The following PSD3 variants were observed in gnomAD, a reference collection of about 807,000 sequenced individuals.
PSD3 encodes the protein PH and SEC7 domain-containing protein 3.
A neutral mutation model predicts 105.5 loss-of-function variants in PSD3; 49 were observed. The observed-to-expected ratio is 0.46, with a 90% CI of 0.37 to 0.59. The LOEUF (loss-of-function observed/expected upper bound fraction) is 0.59. PSD3 is among the 20% of genes least tolerant of loss of function. The probability of loss-of-function intolerance (pLI) is 0.00; values close to 1 mark genes in which losing one functional copy is unlikely to be tolerated. For synonymous variants in PSD3, 557 were observed against 457.8 expected (o/e 1.22, Z -2.77); for missense variants, 1,561 against 1,263.8 (o/e 1.24, Z -3.57).
intron 11 of PSD3, among the ~76,000 whole-genome samples, chr8:18,616,414 G>A (rs1805667137): frequency 6.6e-6 from 1 of 152,306 alleles, no homozygotes; most frequent in South Asian, 2.1e-4. Context: ...GAGAGAATCT[G>A]TATTGATGGT....
rs369029640 is a variant in PSD3, at chr8:18,848,548, T to C, written c.1634+19126A>G. Among the ~76,000 whole-genome samples the C allele has an allele frequency of 9.2e-5, 14 of 152,312 alleles. No individual in the cohort carries two copies. The East Asian group carries it at 2.3e-3, about 25-fold the overall frequency. On this transcript the variant is annotated intron_variant, in intron 4 of 15. Transcript: ENST00000327040. ...GCAACTGAGAAGCAGCTTGTAGCAG[T>C]GGTGATTAAGTTTTAAACGCTTAAT...
At chr8:18,947,272 G>A (rs2129469789) in intron 1 of PSD3, among the ~76,000 whole-genome samples, 1 of 152,306 alleles carries the variant, frequency 6.6e-6, no homozygotes, top group Non-Finnish European at 1.5e-5. Context: ...GGCAAAGCAG[G>A]AAATGGACCA....
intron 9 of PSD3, among the ~76,000 whole-genome samples, chr8:18,657,772 AACT>A (rs1416567756): frequency 6.6e-6 from 1 of 152,216 alleles, no homozygotes; most frequent in African/African-American, 2.4e-5. Flanking sequence ...TGGGCTGAGA[AACT>A]ACAAATGAAA....
At chr8:18,720,049 T>C (rs890843397) in intron 9 of PSD3, among the ~76,000 whole-genome samples, 3 of 152,164 alleles carry the variant, frequency 2.0e-5, no homozygotes, top group Non-Finnish European at 2.9e-5. Flanking sequence ...TAGAATTCCA[T>C]GGGCAGTTAT....
intron 9 of PSD3, among the ~76,000 whole-genome samples, chr8:18,658,650 G>C (rs1389807689): frequency 1.3e-5 from 2 of 151,468 alleles, no homozygotes; most frequent in African/African-American, 4.9e-5. Context: ...AGCCTTCTAA[G>C]TAGCTGTGGT....
chr8:18,658,084 C>T (rs139063842), intron 9 of PSD3, among the ~76,000 whole-genome samples: 1,846 of 152,208 alleles, frequency 0.012, 34 homozygotes, highest in African/African-American at 0.041. Context: ...ATCATCTTGC[C>T]GAATTCCACA....
intron 4 of PSD3, among the ~76,000 whole-genome samples, chr8:18,830,108 C>G (rs1024688099): frequency 6.6e-6 from 1 of 152,134 alleles, no homozygotes; most frequent in African/African-American, 2.4e-5. Context: ...GCTGGGACTA[C>G]AGGCACGTGC....
chr8:18,883,805 A>T (rs1184291259), intron 2 of PSD3, among the ~76,000 whole-genome samples: 1 of 152,222 alleles, frequency 6.6e-6, no homozygotes, highest in African/African-American at 2.4e-5. Context: ...CTATGACTAT[A>T]GTTCATCGGA....
intron 2 of PSD3, among the ~76,000 whole-genome samples, chr8:18,901,695 C>T (rs1342500881): frequency 6.6e-6 from 1 of 152,170 alleles, no homozygotes; most frequent in Non-Finnish European, 1.5e-5. Flanking sequence ...CTCCCTTGAG[C>T]ACTTTTTGTA....
intron 9 of PSD3, among the ~76,000 whole-genome samples, chr8:18,721,516 T>C (rs6987254): frequency 0.94 from 143,073 of 152,278 alleles, 67,300 homozygotes; most frequent in African/African-American, 0.96. Context: ...TTGACGTTTA[T>C]TGAGACAATA....
At chr8:18,961,353 C>T (rs1390203674) in intron 1 of PSD3, among the ~76,000 whole-genome samples, 1 of 152,120 alleles carries the variant, frequency 6.6e-6, no homozygotes, top group Non-Finnish European at 1.5e-5. Context: ...AGTCAAGCTA[C>T]TTAAGACAAG....
chr8:18,803,930 A>T (rs1810962905), intron 6 of PSD3, among the ~76,000 whole-genome samples: 1 of 147,430 alleles, frequency 6.8e-6, no homozygotes, highest in Non-Finnish European at 1.5e-5. Flanking sequence ...AAGATGAAAG[A>T]TTTTATGCTA....
intron 2 of PSD3, among the ~76,000 whole-genome samples, chr8:18,885,565 T>C (rs1563384464): frequency 6.6e-6 from 1 of 152,190 alleles, no homozygotes; most frequent in East Asian, 1.9e-4. Context: ...CTTCTGTCTA[T>C]GAAGACAGAT....
intron 9 of PSD3, among the ~76,000 whole-genome samples, chr8:18,678,212 C>A (rs1007530071): frequency 5.3e-5 from 8 of 152,116 alleles, no homozygotes; most frequent in African/African-American, 1.7e-4. Context: ...CTAATTCCTT[C>A]AAATGCCAGG....
intron 1 of PSD3, among the ~76,000 whole-genome samples, chr8:18,962,815 GA>G (rs1824004898): frequency 6.6e-6 from 1 of 152,192 alleles, no homozygotes; most frequent in Admixed American, 6.5e-5. Context: ...ACAACCACCT[GA>G]AGATCTAGGT....
intron 15 of PSD3, 59 bp downstream of exon 15, chr8:18,556,150 T>A (rs1801055933): frequency 2.5e-6 from 4 of 1,586,788 alleles, no homozygotes; most frequent in Non-Finnish European, 3.4e-6. Context: ...TACCGCCTCA[T>A]GGACAGATCA....
At chr8:19,006,695 T>A (rs886293606) in intron 1 of PSD3, among the ~76,000 whole-genome samples, 3 of 152,058 alleles carry the variant, frequency 2.0e-5, no homozygotes, top group Non-Finnish European at 4.4e-5. Context: ...ATGTTCCTTA[T>A]TTCTAACCAC....
At chr8:18,679,519 A>T (rs1277521623) in intron 9 of PSD3, among the ~76,000 whole-genome samples, 1 of 152,242 alleles carries the variant, frequency 6.6e-6, no homozygotes, top group Non-Finnish European at 1.5e-5. Flanking sequence ...TACCTTTGTT[A>T]AATCTAGCTC....
At chr8:18,540,860 C>T (rs1800113378) in intron 15 of PSD3, among the ~76,000 whole-genome samples, 1 of 152,156 alleles carries the variant, frequency 6.6e-6, no homozygotes, top group Non-Finnish European at 1.5e-5. Flanking sequence ...CCATGGGCCA[C>T]CCCTTTCCCG....
Sources: gnomAD v4.1 joint callset for allele counts (sites outside exome capture counted in the v4.1 genomes callset) on GRCh38, gnomAD v4.1.1 for gene constraint, MANE v1.5 for transcripts, NCBI Gene and HGNC (gene_info 2026-07-23, HGNC 2026-07-21) for gene names.